Variants in PDZD2 observed in about 807,000 individuals in gnomAD.
PDZD2 encodes the protein PDZ domain-containing protein 2.
Under a neutral mutation model 220.7 loss-of-function variants are expected in PDZD2, and 90 were observed. The observed-to-expected ratio is 0.41, with a 90% CI of 0.34 to 0.49. PDZD2 has a LOEUF of 0.49. PDZD2 is among the 20% of genes least tolerant of loss of function. The pLI, the probability that PDZD2 is intolerant of heterozygous loss-of-function variation, is 0.28. For synonymous variants in PDZD2, 1,375 were observed against 1,450.5 expected (o/e 0.95, Z 1.18); for missense variants, 3,174 against 3,608.5 (o/e 0.88, Z 3.08).
At chr5:31,848,711 T>G (rs1757737295) in intron 2 of PDZD2, among the ~76,000 whole-genome samples, 1 of 149,918 alleles carries the variant, frequency 6.7e-6, no homozygotes, top group African/African-American at 2.5e-5. Context: ...ATCGTGCCAT[T>G]GCACTCCAGC....
chr5:31,858,274 G>T (rs1391115091), intron 2 of PDZD2, among the ~76,000 whole-genome samples: 1 of 141,728 alleles, frequency 7.1e-6, no homozygotes, highest in African/African-American at 2.6e-5. Flanking sequence ...GTTTCCTAGA[G>T]TTTAAAAACA....
intron 2 of PDZD2, among the ~76,000 whole-genome samples, chr5:31,807,702 C>T (rs544620950): frequency 2.0e-5 from 3 of 152,246 alleles, no homozygotes; most frequent in Admixed American, 6.5e-5. Context: ...ATGCAAGAAC[C>T]GGGTCCCGGA....
chr5:32,037,036 G>C lies in PDZD2; in HGVS notation c.1408-195G>C, dbSNP rs148428483. On this transcript the variant is annotated intron_variant, in intron 6 of 24. Transcript: ENST00000438447. ...CATGCTGGGCGGTGAGACGCGTGCT[G>C]AGGAGGAATTGGCCAATGCAAGGCG... 1.8e-3 allele frequency among the ~76,000 whole-genome samples: 280 copies of C among 152,362 alleles called. 1 individual carries two copies. The highest frequency in any genetic ancestry group is 6.2e-3 in the African/African-American group (259 of 41,594).
Position 31,983,239 on chromosome 5 carries a change from T to C in PDZD2, c.561T>C (p.Tyr187=). ...TTAAGCACAAAGCCCACTCCACTTA[T>C]AATGGCAACAGTAGCAACAGCTCTG... ...RRFKHKAHST[Y]NGNSSNSSEP... is the part of the protein sequence containing the mutation. Residue 187 remains tyrosine, a synonymous_variant, in exon 3 of 25, where the codon TAT becomes TAC. Coordinates refer to ENST00000438447, the MANE Select transcript of PDZD2 (RefSeq NM_178140.4). 5 of 1,614,138 alleles carry C rather than the reference T, an allele frequency of 3.1e-6. No homozygotes were observed. Among genetic ancestry groups the C allele is most frequent in the Non-Finnish European group, 4.2e-6 (5 of 1,180,018 alleles).
intron 1 of PDZD2, among the ~76,000 whole-genome samples, chr5:31,785,275 G>A (rs1753312700): frequency 6.6e-6 from 1 of 151,764 alleles, no homozygotes; most frequent in South Asian, 2.1e-4. Flanking sequence ...CTTAGAACCT[G>A]AAGACATGGA....
chr5:31,764,708 T>C (rs1351524215), intron 1 of PDZD2, among the ~76,000 whole-genome samples: 2 of 152,192 alleles, frequency 1.3e-5, no homozygotes, highest in African/African-American at 2.4e-5. Context: ...TTTTTCATCA[T>C]GTGTTCCTTT....
intron 1 of PDZD2, among the ~76,000 whole-genome samples, chr5:31,661,995 A>G (rs1195507508): frequency 6.6e-6 from 1 of 152,000 alleles, no homozygotes; most frequent in Non-Finnish European, 1.5e-5. Context: ...TCACCCTTAG[A>G]AGGAAGCAGT....
At chr5:31,856,163 T>C (rs999408049) in intron 2 of PDZD2, among the ~76,000 whole-genome samples, 4 of 152,202 alleles carry the variant, frequency 2.6e-5, no homozygotes, top group African/African-American at 9.7e-5. Flanking sequence ...TGCAGGTGAA[T>C]TGCAAGGGCC....
intron 6 of PDZD2, among the ~76,000 whole-genome samples, chr5:32,029,683 G>A (rs542289687): frequency 6.6e-6 from 1 of 152,274 alleles, no homozygotes; most frequent in Non-Finnish European, 1.5e-5. Flanking sequence ...GAAGGAACCT[G>A]TCCCTTCCTC....
intron 1 of PDZD2, among the ~76,000 whole-genome samples, chr5:31,701,088 T>C (rs182747213): frequency 3.3e-5 from 5 of 152,242 alleles, no homozygotes; most frequent in South Asian, 2.1e-4. Flanking sequence ...TTCTCCAGGG[T>C]TGAGCTGTTG....
At chr5:31,913,812 T>G (rs904935963) in intron 2 of PDZD2, among the ~76,000 whole-genome samples, 1 of 152,178 alleles carries the variant, frequency 6.6e-6, no homozygotes, top group African/African-American at 2.4e-5. Flanking sequence ...TTAGTTTGCA[T>G]TTTTCTGGTA....
intron 2 of PDZD2, among the ~76,000 whole-genome samples, chr5:31,873,533 T>TTTTATTTA (rs57704132): frequency 0.029 from 4,158 of 144,066 alleles, 84 homozygotes; most frequent in South Asian, 0.068. Context: ...TGAAAATTCT[T>TTTTATTTA]TTTATTTATT....
intron 2 of PDZD2, among the ~76,000 whole-genome samples, chr5:31,879,118 T>C (rs1020516022): frequency 3.3e-5 from 5 of 151,246 alleles, no homozygotes; most frequent in African/African-American, 9.7e-5. Flanking sequence ...CCGGGCACGG[T>C]GGCTCACGTC....
chr5:31,802,398 TC>T (rs1193933987), intron 2 of PDZD2, among the ~76,000 whole-genome samples: 1 of 152,174 alleles, frequency 6.6e-6, no homozygotes. Context: ...CGTCTCTGAC[TC>T]CCAGCCAAAT....
intron 2 of PDZD2, among the ~76,000 whole-genome samples, chr5:31,841,343 C>A (rs1757290368): frequency 6.6e-6 from 1 of 152,152 alleles, no homozygotes; most frequent in East Asian, 1.9e-4. Flanking sequence ...TTCTTAACCC[C>A]ACTAAGCCAG....
chr5:31,949,070 C>T (rs1284031323), intron 2 of PDZD2, among the ~76,000 whole-genome samples: 3 of 135,542 alleles, frequency 2.2e-5, no homozygotes, highest in South Asian at 2.5e-4. Flanking sequence ...TGCCCTTCTG[C>T]CTGGGTGACA....
At chr5:31,806,774 T>C (rs961959067) in intron 2 of PDZD2, among the ~76,000 whole-genome samples, 1 of 152,204 alleles carries the variant, frequency 6.6e-6, no homozygotes, top group Admixed American at 6.5e-5. Context: ...AAACCAGATC[T>C]GTTCCCTAAG....
At chr5:31,991,339 G>A (rs1175051543) in intron 3 of PDZD2, among the ~76,000 whole-genome samples, 1 of 152,180 alleles carries the variant, frequency 6.6e-6, no homozygotes, top group African/African-American at 2.4e-5. Context: ...GTTAGGGAGA[G>A]GAGAAGGCCA....
chr5:31,958,921 C>A (rs547506355), intron 2 of PDZD2, among the ~76,000 whole-genome samples: 3 of 151,802 alleles, frequency 2.0e-5, no homozygotes, highest in African/African-American at 7.2e-5. Context: ...AGCCACCCGG[C>A]CTTTAAAGCA....
Sources: gnomAD v4.1 joint callset for allele counts (sites outside exome capture counted in the v4.1 genomes callset) on GRCh38, gnomAD v4.1.1 for gene constraint, MANE v1.5 for transcripts, NCBI Gene and HGNC (gene_info 2026-07-23, HGNC 2026-07-21) for gene names.